Variants in EXOC4 observed in about 807,000 individuals in gnomAD.
The protein encoded by EXOC4 is SEC8-like 1.
A neutral mutation model predicts 107.2 loss-of-function variants in EXOC4; 71 were observed. That is an observed-to-expected ratio of 0.66 (90% CI 0.55 to 0.81). The LOEUF (loss-of-function observed/expected upper bound fraction) is 0.81, where lower values mean the gene tolerates loss of function less well. Among genes scored for constraint, EXOC4 ranks in the 30% least tolerant of loss-of-function variants. The pLI is 0.00. For missense variants in EXOC4, 1,108 were observed against 1,189.6 expected, an observed-to-expected ratio of 0.93 and a Z score of 1.01; for synonymous variants, 456 against 441.2, an observed-to-expected ratio of 1.03 and a Z score of -0.42.
intron 14 of EXOC4, among the ~76,000 whole-genome samples, chr7:133,939,573 G>T (rs553755657): frequency 6.6e-6 from 1 of 152,074 alleles, no homozygotes; most frequent in African/African-American, 2.4e-5. Context: ...TATTACCCAG[G>T]CTAGTCTTGA....
intron 11 of EXOC4, among the ~76,000 whole-genome samples, chr7:133,849,920 ACATT>A (rs1798207560): frequency 6.6e-6 from 1 of 152,234 alleles, no homozygotes; most frequent in African/African-American, 2.4e-5. Flanking sequence ...TATGCTATAA[ACATT>A]CATCACTAAG....
chr7:133,744,355 G>A (rs1024156341), intron 10 of EXOC4, among the ~76,000 whole-genome samples: 1 of 152,114 alleles, frequency 6.6e-6, no homozygotes, highest in Non-Finnish European at 1.5e-5. Flanking sequence ...TTAATCAAAA[G>A]TGAGTAATAG....
chr7:133,773,912 C>T (rs1042821719), intron 10 of EXOC4, among the ~76,000 whole-genome samples: 3 of 152,044 alleles, frequency 2.0e-5, no homozygotes, highest in Non-Finnish European at 4.4e-5. Flanking sequence ...TGGTTTTAAT[C>T]CCCTCATACC....
chr7:133,903,575 A>G (rs191972172), intron 12 of EXOC4, among the ~76,000 whole-genome samples: 2 of 152,314 alleles, frequency 1.3e-5, no homozygotes, highest in East Asian at 1.9e-4. Context: ...GTTGCCAGCT[A>G]TTGTGACGGA....
chr7:133,262,624 G>T (rs1057244570), intron 1 of EXOC4, among the ~76,000 whole-genome samples: 1 of 152,062 alleles, frequency 6.6e-6, no homozygotes, highest in Admixed American at 6.6e-5. Flanking sequence ...TATTATGGGA[G>T]AATTATACTA....
intron 9 of EXOC4, among the ~76,000 whole-genome samples, chr7:133,532,106 G>C (rs1334920856): frequency 6.6e-6 from 1 of 152,006 alleles, no homozygotes; most frequent in Non-Finnish European, 1.5e-5. Context: ...TCGTAACGAT[G>C]CTCAAAAAGT....
chr7:133,600,010 C>T (rs924227887), intron 9 of EXOC4, among the ~76,000 whole-genome samples: 9 of 150,312 alleles, frequency 6.0e-5, no homozygotes, highest in Admixed American at 1.3e-4. Flanking sequence ...AGGTAATCCT[C>T]CCACCTCAGC....
intron 9 of EXOC4, among the ~76,000 whole-genome samples, chr7:133,499,419 A>G (rs997963333): frequency 5.3e-5 from 8 of 152,250 alleles, no homozygotes; most frequent in Middle Eastern, 3.4e-3. Context: ...GCTTTTTTCC[A>G]TAAGCGGATA....
chr7:133,321,071 AATCC>A (rs1795099340), intron 5 of EXOC4, among the ~76,000 whole-genome samples: 1 of 152,156 alleles, frequency 6.6e-6, no homozygotes, highest in South Asian at 2.1e-4. Context: ...TTGAGGGTGT[AATCC>A]ATTAGAATTG....
At chr7:133,435,008 G>A (rs1163528898) in intron 7 of EXOC4, among the ~76,000 whole-genome samples, 1 of 152,096 alleles carries the variant, frequency 6.6e-6, no homozygotes, top group Non-Finnish European at 1.5e-5. Flanking sequence ...CCAGAAAATA[G>A]TCTCTCCCCT....
intron 9 of EXOC4, among the ~76,000 whole-genome samples, chr7:133,626,077 C>T (rs1002758156): frequency 3.3e-5 from 5 of 151,962 alleles, no homozygotes; most frequent in Non-Finnish European, 5.9e-5. Context: ...CATGTTGGTG[C>T]GTGCCTGTAA....
chr7:133,465,387 C>G (rs1189074157), intron 7 of EXOC4, among the ~76,000 whole-genome samples: 1 of 151,986 alleles, frequency 6.6e-6, no homozygotes, highest in Non-Finnish European at 1.5e-5. Flanking sequence ...CCATGAGATC[C>G]AAAATACATG....
intron 15 of EXOC4, among the ~76,000 whole-genome samples, chr7:134,004,420 T>TA (rs1351285140): frequency 6.6e-6 from 1 of 152,182 alleles, no homozygotes; most frequent in African/African-American, 2.4e-5. Flanking sequence ...GTAACTTGCC[T>TA]AAAGTCATAC....
intron 13 of EXOC4, among the ~76,000 whole-genome samples, 193 bp downstream of exon 13, chr7:133,917,931 G>GA (rs1234671985): frequency 6.6e-6 from 1 of 151,436 alleles, no homozygotes; most frequent in Admixed American, 6.6e-5. Context: ...ACTTTAGAAG[G>GA]AAAAAAATTA....
At chr7:133,359,492 T>C (rs1213859899) in intron 6 of EXOC4, among the ~76,000 whole-genome samples, 2 of 152,194 alleles carry the variant, frequency 1.3e-5, no homozygotes, top group African/African-American at 4.8e-5. Flanking sequence ...TATATGAATT[T>C]ATTTTTTTAA....
chr7:133,838,242 C>A (rs1186231905), intron 11 of EXOC4, among the ~76,000 whole-genome samples: 1 of 152,126 alleles, frequency 6.6e-6, no homozygotes, highest in Non-Finnish European at 1.5e-5. Context: ...GGGCCCAGAC[C>A]ATCTCTCAGC....
chr7:133,846,693 G>C (rs181910802), intron 11 of EXOC4, among the ~76,000 whole-genome samples: 1 of 152,348 alleles, frequency 6.6e-6, no homozygotes, highest in Non-Finnish European at 1.5e-5. Flanking sequence ...TTTGTGGTGG[G>C]GAAGTAGCCA....
chr7:133,758,763 A>T (rs1460105666), intron 10 of EXOC4, among the ~76,000 whole-genome samples: 2 of 152,246 alleles, frequency 1.3e-5, no homozygotes, highest in Admixed American at 1.3e-4. Flanking sequence ...CTTGCCAGAC[A>T]ACCAGATGAT....
intron 10 of EXOC4, among the ~76,000 whole-genome samples, chr7:133,645,813 A>G (rs922655874): frequency 6.6e-6 from 1 of 152,208 alleles, no homozygotes; most frequent in Non-Finnish European, 1.5e-5. Flanking sequence ...AATTACAAAT[A>G]TGCACTTCCA....
Sources: gnomAD v4.1 joint callset for allele counts (sites outside exome capture counted in the v4.1 genomes callset) on GRCh38, gnomAD v4.1.1 for gene constraint, MANE v1.5 for transcripts, NCBI Gene and HGNC (gene_info 2026-07-23, HGNC 2026-07-21) for gene names.